Variants in CNTN4 observed in about 807,000 individuals in gnomAD.
CNTN4 encodes contactin 4.
CNTN4 carries 77 observed loss-of-function variants against 122.5 expected under a neutral mutation model. The ratio of observed to expected loss-of-function variants is 0.63; its 90% CI spans 0.52 to 0.76. The LOEUF (loss-of-function observed/expected upper bound fraction) is 0.76. Ranked by LOEUF, CNTN4 falls within the 30% of genes least tolerant of loss-of-function variation. The pLI is 0.00. For missense variants in CNTN4, 1,256 were observed against 1,259.1 expected, an observed-to-expected ratio of 1.00 and a Z score of 0.04; for synonymous variants, 512 against 447.0, an observed-to-expected ratio of 1.15 and a Z score of -1.83.
intron 2 of CNTN4, among the ~76,000 whole-genome samples, chr3:2,273,972 G>T (rs1318781878): frequency 6.6e-6 from 1 of 152,054 alleles, no homozygotes; most frequent in East Asian, 1.9e-4. Flanking sequence ...ATAAACATCT[G>T]CTGGAAACTC....
intron 2 of CNTN4, among the ~76,000 whole-genome samples, chr3:2,147,040 C>G (rs750688946): frequency 4.6e-5 from 7 of 151,982 alleles, no homozygotes; most frequent in African/African-American, 1.7e-4. Flanking sequence ...ACCACCATGC[C>G]CAGCTAATTT....
At chr3:2,765,481 G>C (rs1486763601) in intron 6 of CNTN4, among the ~76,000 whole-genome samples, 2 of 152,196 alleles carry the variant, frequency 1.3e-5, no homozygotes, top group African/African-American at 2.4e-5. Context: ...TACCTGGTCT[G>C]TAGTAAAAAG....
At chr3:2,808,528 C>A (rs1332253750) in intron 6 of CNTN4, among the ~76,000 whole-genome samples, 2 of 152,140 alleles carry the variant, frequency 1.3e-5, no homozygotes, top group Admixed American at 1.3e-4. Flanking sequence ...AATTATCACA[C>A]TAGATGAAGA....
chr3:2,270,447 G>T (rs1489909253), intron 2 of CNTN4, among the ~76,000 whole-genome samples: 1 of 135,002 alleles, frequency 7.4e-6, no homozygotes, highest in Non-Finnish European at 1.6e-5. Flanking sequence ...ACAGTTAGAG[G>T]CACAGAGGGT....
chr3:2,900,004 A>G (rs2094155834), intron 10 of CNTN4, among the ~76,000 whole-genome samples: 1 of 152,176 alleles, frequency 6.6e-6, no homozygotes, highest in South Asian at 2.1e-4. Flanking sequence ...TTAGATGAAA[A>G]GTTTATTTCT....
rs1388216941 is a variant in CNTN4, at chr3:2,328,231, C to A, written c.-144-10947C>A. On this transcript the variant is annotated intron_variant, in intron 2 of 24. Coordinates refer to ENST00000418658, the MANE Select transcript of CNTN4 (RefSeq NM_175607.3). ...CCATCCTGGCTAACACGGTGAAACCCCGTCTCTACTAAAAATACAAAAAAA... is the reference window on the plus strand; with the variant it reads ...CCATCCTGGCTAACACGGTGAAACCACGTCTCTACTAAAAATACAAAAAAA... 3.3e-5 allele frequency among the ~76,000 whole-genome samples: 5 copies of A among 151,936 alleles called. No individual in the cohort carries two copies. In the East Asian group the frequency reaches 9.7e-4, roughly 29 times the overall value.
intron 3 of CNTN4, among the ~76,000 whole-genome samples, chr3:2,516,416 C>G (rs2077041403): frequency 6.6e-6 from 1 of 151,876 alleles, no homozygotes; most frequent in Non-Finnish European, 1.5e-5. Flanking sequence ...GCTCTCAAAT[C>G]CTTGATTATA....
intron 7 of CNTN4, among the ~76,000 whole-genome samples, chr3:2,859,272 G>T (rs1274912695): frequency 3.3e-5 from 5 of 152,154 alleles, no homozygotes; most frequent in Non-Finnish European, 7.3e-5. Context: ...ATTCCACTGT[G>T]TATATATATC....
At chr3:2,554,626 G>A (rs78073901) in intron 3 of CNTN4, among the ~76,000 whole-genome samples, 3,837 of 152,142 alleles carry the variant, frequency 0.025, 165 homozygotes, top group African/African-American at 0.087. Flanking sequence ...TATTTTATAG[G>A]CGATATGATT....
intron 2 of CNTN4, among the ~76,000 whole-genome samples, chr3:2,120,349 G>C (rs113759579): frequency 1.0e-4 from 4 of 39,196 alleles, no homozygotes; most frequent in Admixed American, 4.5e-4. Context: ...GAGGCATTTA[G>C]GTTATATATA....
chr3:2,270,301 G>A (rs1277668560), intron 2 of CNTN4, among the ~76,000 whole-genome samples: 2 of 152,066 alleles, frequency 1.3e-5, no homozygotes, highest in Admixed American at 6.6e-5. Context: ...ATATATACAG[G>A]TTTGTTATAT....
At chr3:2,683,508 G>C (rs370155868) in intron 4 of CNTN4, among the ~76,000 whole-genome samples, 1 of 152,106 alleles carries the variant, frequency 6.6e-6, no homozygotes, top group East Asian at 1.9e-4. Flanking sequence ...GTTGAAATGA[G>C]TTAATGGATG....
chr3:2,338,787 T>C (rs1461554517), intron 2 of CNTN4, among the ~76,000 whole-genome samples: 1 of 152,192 alleles, frequency 6.6e-6, no homozygotes, highest in African/African-American at 2.4e-5. Flanking sequence ...ACAAAAACGA[T>C]GACGTCTCCA....
chr3:2,696,144 A>G (rs970759655), intron 4 of CNTN4, among the ~76,000 whole-genome samples: 17 of 152,370 alleles, frequency 1.1e-4, no homozygotes, highest in Admixed American at 7.2e-4. Flanking sequence ...CTCTACGGCC[A>G]AGGACTTTAT....
intron 2 of CNTN4, among the ~76,000 whole-genome samples, chr3:2,212,674 T>C (rs1300074812): frequency 6.6e-6 from 1 of 152,236 alleles, no homozygotes; most frequent in East Asian, 1.9e-4. Context: ...CCGTATCAGC[T>C]ACCTACCAAT....
intron 14 of CNTN4, 39 bp from the exon 15 acceptor site, chr3:3,026,063 T>A: frequency 6.3e-7 from 1 of 1,575,202 alleles, no homozygotes; most frequent in Non-Finnish European, 8.7e-7. Context: ...GCTCACAGAC[T>A]TTGTTGTTGT....
At chr3:2,436,640 G>A (rs970616354) in intron 3 of CNTN4, among the ~76,000 whole-genome samples, 1 of 151,834 alleles carries the variant, frequency 6.6e-6, no homozygotes, top group African/African-American at 2.4e-5. Context: ...GATGTTAACT[G>A]CAAATTATGC....
chr3:2,789,696 G>C (rs112180120), intron 6 of CNTN4, among the ~76,000 whole-genome samples: 2,924 of 152,306 alleles, frequency 0.019, 46 homozygotes, highest in Non-Finnish European at 0.027. Context: ...CTCCCAAAGT[G>C]CTATGATGGC....
At chr3:2,912,101 A>G (rs2094306749) in intron 12 of CNTN4, among the ~76,000 whole-genome samples, 1 of 132,328 alleles carries the variant, frequency 7.6e-6, no homozygotes, top group East Asian at 2.2e-4. Flanking sequence ...AACTGCAGCT[A>G]GGATGAATCC....
Sources: allele counts gnomAD v4.1 joint callset (sites outside exome capture counted in the v4.1 genomes callset), GRCh38; gene constraint gnomAD v4.1.1; transcripts MANE v1.5; gene names NCBI Gene and HGNC (gene_info 2026-07-23, HGNC 2026-07-21).